POU2F1: variants seen among roughly 807,000 people sequenced by gnomAD.
POU2F1 encodes POU class 2 homeobox 1, also known as POU domain, class 2, transcription factor 1.
POU2F1 carries 16 observed loss-of-function variants against 84.9 expected under a neutral mutation model. The ratio of observed to expected loss-of-function variants is 0.19; its 90% CI spans 0.13 to 0.29. The LOEUF is 0.29. Among genes scored for constraint, POU2F1 ranks in the 10% least tolerant of loss-of-function variants. The probability of loss-of-function intolerance (pLI) is 1.00; values close to 1 mark genes in which losing one functional copy is unlikely to be tolerated. For synonymous variants in POU2F1, 368 were observed against 368.3 expected (o/e 1.00, Z 0.01); for missense variants, 738 against 942.6 (o/e 0.78, Z 2.84).
chr1:167,363,967 G>A (rs1659504228), intron 2 of POU2F1, among the ~76,000 whole-genome samples: 1 of 152,208 alleles, frequency 6.6e-6, no homozygotes, highest in African/African-American at 2.4e-5. Context: ...CTCTGGATGT[G>A]TGTGCACATG....
At chr1:167,225,810 T>G (rs1648586383) in intron 1 of POU2F1, among the ~76,000 whole-genome samples, 2 of 152,228 alleles carry the variant, frequency 1.3e-5, no homozygotes, top group South Asian at 4.1e-4. Context: ...GATTGCCTTG[T>G]TGTTATCGGT....
chr1:167,317,318 T>G (rs1192088556), intron 1 of POU2F1, among the ~76,000 whole-genome samples: 1 of 152,258 alleles, frequency 6.6e-6, no homozygotes, highest in African/African-American at 2.4e-5. Flanking sequence ...TTTTGGTGAT[T>G]GCTTAATATT....
chr1:167,311,403 A>G (rs933805994), intron 1 of POU2F1, among the ~76,000 whole-genome samples: 1 of 152,182 alleles, frequency 6.6e-6, no homozygotes, highest in Non-Finnish European at 1.5e-5. Context: ...AATGAAGGGA[A>G]AATCAAGACA....
At chr1:167,262,592 G>GT (rs1557854315) in intron 1 of POU2F1, among the ~76,000 whole-genome samples, 1 of 152,182 alleles carries the variant, frequency 6.6e-6, no homozygotes, top group African/African-American at 2.4e-5. Flanking sequence ...GGAGCTAGAA[G>GT]TTGTTTATAA....
intron 1 of POU2F1, among the ~76,000 whole-genome samples, chr1:167,304,654 A>G (rs1386204629): frequency 1.3e-5 from 2 of 152,330 alleles, no homozygotes; most frequent in East Asian, 3.9e-4. Context: ...AGGGAATCAT[A>G]CTATTTTTAT....
intron 1 of POU2F1, among the ~76,000 whole-genome samples, chr1:167,315,677 G>A (rs550239765): frequency 2.0e-4 from 31 of 152,094 alleles, no homozygotes; most frequent in African/African-American, 6.5e-4. Flanking sequence ...GTGGTGACAT[G>A]CTGGTAGTCC....
intron 1 of POU2F1, among the ~76,000 whole-genome samples, chr1:167,266,288 G>A (rs537750128): frequency 3.3e-5 from 5 of 152,246 alleles, no homozygotes; most frequent in African/African-American, 1.2e-4. Flanking sequence ...ATTATCTTCC[G>A]AAGGTGGATT....
chr1:167,274,581 T>TA (rs1652590476), intron 1 of POU2F1, among the ~76,000 whole-genome samples: 1 of 152,200 alleles, frequency 6.6e-6, no homozygotes, highest in Non-Finnish European at 1.5e-5. Flanking sequence ...TTTTGCTATG[T>TA]ATTGGGTCTA....
At chr1:167,403,848 A>G (rs910580159) in intron 13 of POU2F1, among the ~76,000 whole-genome samples, 2 of 152,240 alleles carry the variant, frequency 1.3e-5, no homozygotes, top group African/African-American at 4.8e-5. Flanking sequence ...GAAAGGTTAC[A>G]TGGGAGGTAA....
chr1:167,327,977 G>A (rs995307345), intron 1 of POU2F1, among the ~76,000 whole-genome samples: 1 of 152,096 alleles, frequency 6.6e-6, no homozygotes, highest in Non-Finnish European at 1.5e-5. Flanking sequence ...GTGATGATTA[G>A]GCTGTTGTCA....
At chr1:167,359,655 T>C (rs1659218404) in intron 2 of POU2F1, among the ~76,000 whole-genome samples, 2 of 152,168 alleles carry the variant, frequency 1.3e-5, no homozygotes, top group Admixed American at 6.5e-5. Flanking sequence ...AATGCAGGTG[T>C]CTTTTGGGTA....
In POU2F1 at chr1:167,334,384, C is replaced by T. The variant is rs998258097; in HGVS notation, c.127+1849C>T. On this transcript the variant is annotated intron_variant, in intron 2 of 15. Coordinates refer to ENST00000367866, the MANE Select transcript of POU2F1 (RefSeq NM_002697.4). ...ACCATGTTGGCCGGCTGGTCTTGAA[C>T]TCTGTGGGCATTACCTGATTTCGAG... 5.7e-4 allele frequency among the ~76,000 whole-genome samples: 86 copies of T among 152,110 alleles called. 1 individual carries two copies. The highest frequency in any genetic ancestry group is 2.1e-3 in the African/African-American group (86 of 41,494).
chr1:167,371,526 T>C (rs1378080466), intron 4 of POU2F1, among the ~76,000 whole-genome samples: 1 of 152,138 alleles, frequency 6.6e-6, no homozygotes, highest in African/African-American at 2.4e-5. Flanking sequence ...TTCTCTGAGA[T>C]GGTATATGGA....
rs1253106421 is a variant in POU2F1 at position 167,364,890 on chromosome 1, A to G, written c.128-577A>G. 2.0e-5 allele frequency among the ~76,000 whole-genome samples: 3 copies of G among 152,208 alleles called. No homozygotes were observed. In the East Asian group the frequency reaches 5.8e-4, roughly 29 times the overall value. ...AGCCTCGCATAACATTTTGAAAAAT[A>G]TAATTACAGCAGGGCCCTTGCTAAT... is the stretch of plus-strand genomic sequence containing the variant. On this transcript the variant is annotated intron_variant, in intron 2 of 15. Coordinates refer to ENST00000367866, the MANE Select transcript of POU2F1 (RefSeq NM_002697.4).
At chr1:167,232,244 C>T (rs939445123) in intron 1 of POU2F1, among the ~76,000 whole-genome samples, 2 of 152,172 alleles carry the variant, frequency 1.3e-5, no homozygotes, top group African/African-American at 2.4e-5. Context: ...AATCACGTAC[C>T]GCATAATGAC....
intron 2 of POU2F1, among the ~76,000 whole-genome samples, chr1:167,348,306 G>A (rs938690050): frequency 6.6e-6 from 1 of 152,178 alleles, no homozygotes; most frequent in African/African-American, 2.4e-5. Context: ...TTCTATTGTT[G>A]CTGATGGAAA....
At chr1:167,325,752 G>C (rs1390270005) in intron 1 of POU2F1, among the ~76,000 whole-genome samples, 4 of 151,982 alleles carry the variant, frequency 2.6e-5, no homozygotes, top group Admixed American at 6.6e-5. Flanking sequence ...AGCCTGACTT[G>C]GTGGCAGGCG....
At chr1:167,243,969 TG>T (rs1358903684) in intron 1 of POU2F1, among the ~76,000 whole-genome samples, 1 of 152,184 alleles carries the variant, frequency 6.6e-6, no homozygotes, top group Non-Finnish European at 1.5e-5. Context: ...ATATGGATAA[TG>T]GACCGAGAGT....
intron 2 of POU2F1, among the ~76,000 whole-genome samples, chr1:167,338,802 A>G (rs1657647250): frequency 6.6e-6 from 1 of 152,116 alleles, no homozygotes; most frequent in South Asian, 2.1e-4. Flanking sequence ...CATTTTGTTT[A>G]TGCATTCATT....
Sources: gnomAD v4.1 joint callset for allele counts (sites outside exome capture counted in the v4.1 genomes callset) on GRCh38, gnomAD v4.1.1 for gene constraint, MANE v1.5 for transcripts, NCBI Gene and HGNC (gene_info 2026-07-23, HGNC 2026-07-21) for gene names.